CAV1: variants seen among roughly 807,000 people sequenced by gnomAD.
The protein encoded by CAV1 is caveolin-1.
CAV1 carries 10 observed loss-of-function variants against 16.5 expected under a neutral mutation model. That is an observed-to-expected ratio of 0.61 (90% CI 0.37 to 1.03). The LOEUF (loss-of-function observed/expected upper bound fraction) is 1.03. Among genes scored for constraint, CAV1 ranks in the 50% least tolerant of loss-of-function variants. The pLI, the probability that CAV1 is intolerant of heterozygous loss-of-function variation, is 0.01. For synonymous variants in CAV1, 76 were observed against 85.1 expected, an observed-to-expected ratio of 0.89 and a Z score of 0.59; for missense variants, 212 against 232.8, an observed-to-expected ratio of 0.91 and a Z score of 0.58.
intron 2 of CAV1, among the ~76,000 whole-genome samples, chr7:116,535,202 A>G (rs1225172979): frequency 1.3e-5 from 2 of 152,236 alleles, no homozygotes; most frequent in East Asian, 1.9e-4. Context: ...TGAATTGGCA[A>G]TGGCCTGTCT....
At chr7:116,542,080 T>C (rs1180833577) in intron 2 of CAV1, among the ~76,000 whole-genome samples, 1 of 152,158 alleles carries the variant, frequency 6.6e-6, no homozygotes, top group African/African-American at 2.4e-5. Flanking sequence ...ATGCAAGTGG[T>C]AAACATTGAA....
intron 2 of CAV1, among the ~76,000 whole-genome samples, chr7:116,528,652 G>T (rs987018886): frequency 6.6e-6 from 1 of 151,880 alleles, no homozygotes; most frequent in Non-Finnish European, 1.5e-5. Context: ...CGATGAACAG[G>T]GTCCTATCTA....
intron 2 of CAV1, among the ~76,000 whole-genome samples, chr7:116,536,459 A>G (rs1190181190): frequency 1.3e-5 from 2 of 152,198 alleles, no homozygotes; most frequent in Non-Finnish European, 2.9e-5. Context: ...AGTCAACCAC[A>G]AAGAAGAGAG....
chr7:116,549,514 A>G (rs1459999671), intron 2 of CAV1, among the ~76,000 whole-genome samples: 1 of 152,238 alleles, frequency 6.6e-6, no homozygotes, highest in East Asian at 1.9e-4. Flanking sequence ...AGCTATGGTG[A>G]ATAAGAAAAT....
At chr7:116,536,819 AG>A (rs1317885485) in intron 2 of CAV1, among the ~76,000 whole-genome samples, 4 of 151,600 alleles carry the variant, frequency 2.6e-5, no homozygotes, top group Non-Finnish European at 5.9e-5. Context: ...CTGGCTAACA[AG>A]GTGAAACCCC....
At chr7:116,558,818 C>T in intron 2 of CAV1, 128 bp from the exon 3 acceptor site, 1 of 717,072 alleles carries the variant, frequency 1.4e-6, no homozygotes, top group Non-Finnish European at 2.5e-6. Flanking sequence ...TGCTGGTTGC[C>T]TTTAAGCATC....
intron 2 of CAV1, among the ~76,000 whole-genome samples, chr7:116,546,741 A>C (rs1422307328): frequency 6.7e-6 from 1 of 149,646 alleles, no homozygotes; most frequent in Non-Finnish European, 1.5e-5. Context: ...AAGAGGTATG[A>C]AAATGTTCCA....
intron 2 of CAV1, among the ~76,000 whole-genome samples, chr7:116,549,418 C>T (rs899503974): frequency 6.6e-6 from 1 of 152,192 alleles, no homozygotes; most frequent in African/African-American, 2.4e-5. Context: ...GAATTATCCC[C>T]TTGTCAGTGG....
chr7:116,534,092 C>T (rs1391180816), intron 2 of CAV1, among the ~76,000 whole-genome samples: 1 of 151,732 alleles, frequency 6.6e-6, no homozygotes, highest in African/African-American at 2.4e-5. Flanking sequence ...GTGGCATGCA[C>T]CTGTAGTCCC....
intron 2 of CAV1, among the ~76,000 whole-genome samples, chr7:116,539,483 T>C (rs1316810754): frequency 6.6e-6 from 1 of 152,208 alleles, no homozygotes; most frequent in African/African-American, 2.4e-5. Context: ...GGGATTACAT[T>C]ATTGAGTGTC....
intron 2 of CAV1, among the ~76,000 whole-genome samples, chr7:116,541,686 C>T (rs1025836589): frequency 2.7e-5 from 4 of 149,086 alleles, no homozygotes; most frequent in African/African-American, 5.0e-5. Context: ...CCCAGGAAGT[C>T]GAGGCTGCAG....
rs748608068 is a variant in CAV1, at chr7:116,559,144, C to T, written c.394C>T (p.Pro132Ser). The change falls in exon 3 of 3, where the codon CCA (proline) becomes TCA (serine). Residue 132 changes from proline to serine, a missense_variant. By Grantham distance (74) the Pro-to-Ser change is moderately conservative. Coordinates refer to ENST00000341049, the MANE Select transcript of CAV1 (RefSeq NM_001753.5). ...TTTCCTGCACATCTGGGCAGTTGTA[C>T]CATGCATTAAGAGCTTCCTGATTGA... ...LSFLHIWAVV[P>S]CIKSFLIEIQ... 1.2e-6 allele frequency: 2 copies of T among 1,613,932 alleles called. No homozygotes were observed. Among genetic ancestry groups the T allele is most frequent in the South Asian group, 1.1e-5 (1 of 91,076 alleles).
At chr7:116,536,004 C>G (rs987885112) in intron 2 of CAV1, among the ~76,000 whole-genome samples, 2 of 152,134 alleles carry the variant, frequency 1.3e-5, no homozygotes, top group African/African-American at 4.8e-5. Context: ...TTCTCCTGAT[C>G]CCAGCAAGGA....
At chr7:116,534,395 A>ATATATATATATTTT (rs1442237865) in intron 2 of CAV1, among the ~76,000 whole-genome samples, 1 of 7,840 alleles carries the variant, frequency 1.3e-4, no homozygotes, top group Non-Finnish European at 2.6e-4. Flanking sequence ...ATATATATAT[A>ATATATATATATTTT]TTTTTTTTTT....
chr7:116,540,810 G>A (rs1793919972), intron 2 of CAV1, among the ~76,000 whole-genome samples: 1 of 152,154 alleles, frequency 6.6e-6, no homozygotes, highest in East Asian at 1.9e-4. Context: ...ACATAGGTAA[G>A]CATATAAAAA....
intron 2 of CAV1, among the ~76,000 whole-genome samples, chr7:116,534,485 C>T (rs1793766862): frequency 1.4e-5 from 2 of 142,214 alleles, no homozygotes; most frequent in African/African-American, 2.6e-5. Flanking sequence ...CTGCAAGCTC[C>T]GTCTCCCGGG....
chr7:116,550,508 G>T (rs1164265051), intron 2 of CAV1, among the ~76,000 whole-genome samples: 4 of 152,116 alleles, frequency 2.6e-5, no homozygotes, highest in Admixed American at 6.5e-5. Flanking sequence ...TGTCAGTTTG[G>T]CCCAGTAAAG....
At chr7:116,541,656 A>G (rs1793938376) in intron 2 of CAV1, among the ~76,000 whole-genome samples, 1 of 150,884 alleles carries the variant, frequency 6.6e-6, no homozygotes, top group Non-Finnish European at 1.5e-5. Flanking sequence ...GGGGGCCAAG[A>G]GGTGGGAAGA....
chr7:116,542,213 C>T (rs1768637673), intron 2 of CAV1, among the ~76,000 whole-genome samples: 1 of 152,222 alleles, frequency 6.6e-6, no homozygotes, highest in African/African-American at 2.4e-5. Flanking sequence ...AGTTTTGCAG[C>T]TTGTATAAAC....
Sources: allele counts gnomAD v4.1 joint callset (sites outside exome capture counted in the v4.1 genomes callset), GRCh38; gene constraint gnomAD v4.1.1; transcripts MANE v1.5; gene names NCBI Gene and HGNC (gene_info 2026-07-23, HGNC 2026-07-21).